CARD10: variants seen among roughly 807,000 people sequenced by gnomAD.
CARD10 encodes caspase recruitment domain-containing protein 10.
CARD10 carries 49 observed loss-of-function variants against 114.6 expected under a neutral mutation model. The observed-to-expected ratio is 0.43, with a 90% confidence interval of 0.34 to 0.54. The LOEUF (loss-of-function observed/expected upper bound fraction) is 0.54. CARD10 is among the 20% of genes least tolerant of loss of function. The probability of loss-of-function intolerance (pLI) is 0.03; values close to 1 mark genes in which losing one functional copy is unlikely to be tolerated. For synonymous variants in CARD10, 602 were observed against 593.2 expected, an observed-to-expected ratio of 1.01 and a Z score of -0.21; for missense variants, 1,206 against 1,397.2, an observed-to-expected ratio of 0.86 and a Z score of 2.18.
rs1424047073 is a variant in CARD10, at chr22:37,504,757, A to T, written c.1396T>A (p.Ser466Thr). 2.6e-6 allele frequency: 4 copies of T among 1,548,686 alleles called. No individual in the cohort carries two copies. Among genetic ancestry groups the T allele is most frequent in the Non-Finnish European group, 3.5e-6 (4 of 1,149,698 alleles). Residue 466 changes from serine (S) to threonine (T), a missense_variant, in exon 8 of 20, where the codon TCC (serine) becomes ACC (threonine). Transcript: ENST00000251973. ...CTGAGGTTGGAGCACAGGGAATGGGAGGAGGCACAGGCCTGGAAGAGGGAG... is the reference window on the plus strand; with the variant it reads ...CTGAGGTTGGAGCACAGGGAATGGGTGGAGGCACAGGCCTGGAAGAGGGAG... Reference protein sequence around the residue: ...GGTCLKACASSHSLCSNLSST... With the variant: ...GGTCLKACASTHSLCSNLSST...
In CARD10 at chr22:37,508,697, G is replaced by T; in HGVS notation, c.910-15C>A. 6.5e-7 allele frequency: 1 copy of T among 1,543,456 alleles called. No homozygotes were observed. Among genetic ancestry groups the T allele is most frequent in the South Asian group, 1.2e-5 (1 of 84,278 alleles). ...CGGCTCGCCTCCTGGGGATCACAGG[G>T]CAGGGCCACCTCAGGGTCTGGCTAG... On this transcript the variant is annotated splice_polypyrimidine_tract_variant and intron_variant, in intron 4 of 19. Transcript: ENST00000251973.
In CARD10 at chr22:37,516,163, C is replaced by T. The variant is rs763739012; in HGVS notation, c.509G>A (p.Gly170Glu). 1.3e-6 allele frequency: 2 copies of T among 1,593,436 alleles called. No homozygotes were observed. Among genetic ancestry groups the T allele is most frequent in the East Asian group, 4.5e-5 (2 of 43,966 alleles). The change falls in exon 3 of 20, where the codon GGG (glycine) becomes GAG (glutamate). Residue 170 changes from glycine (G) to glutamate (E), a missense_variant. Physicochemically the swap from Gly to Glu is moderately conservative, Grantham distance 98. Coordinates refer to ENST00000251973, the MANE Select transcript of CARD10 (RefSeq NM_014550.4). ...RGRVLEEERA[G>E]LEQRLRDQQQ... is the part of the protein sequence containing the mutation. ...CTGGTCCCGCAGCCGCTGCTCCAGC[C>T]CTGCCCGCTCCTCCTCGAGCACCCG...
rs776581731 is a variant in CARD10 at position 37,492,782 on chromosome 22, G to C, written c.2497C>G (p.Pro833Ala). Residue 833 changes from proline (P) to alanine (A), a missense_variant, in exon 17 of 20, where the codon CCC becomes GCC. Transcript: ENST00000251973. This position sits in a 1 kb window ranked among gnomAD's most constrained non-coding sequence, Gnocchi z 5.7. ...AGTAGCGGCCGCACCAAACTGTAGG[G>C]TCTGAGGCTCCGCTCCGGCTCTGTG... ...PCAEPERSLR[P>A]YSLVRPLLVS... is the part of the protein sequence containing the mutation. 6 of 1,612,404 alleles carry C rather than the reference G, an allele frequency of 3.7e-6. No homozygotes were observed. The highest frequency in any genetic ancestry group is 1.7e-5 in the Admixed American group (1 of 59,992).
intron 1 of CARD10, 89 bp from the exon 2 acceptor site, chr22:37,518,197 C>G: frequency 7.5e-7 from 1 of 1,340,328 alleles, no homozygotes. Context: ...GCTCCAGGCC[C>G]ACGTTCCCCA....
At chr22:37,508,726 C>A in intron 4 of CARD10, 44 bp from the exon 5 acceptor site, 1 of 1,511,104 alleles carries the variant, frequency 6.6e-7, no homozygotes, top group Non-Finnish European at 8.8e-7. Flanking sequence ...TGGCTAGGGG[C>A]CCACCCTGGG....
In CARD10 at chr22:37,494,070, G is replaced by GC. The variant is rs750772521; in HGVS notation, c.2476+15dup. ...TGGGAGCAACACGGGATACAGCTTT[G>GC]CCCCCGCGCACTCACCTGCACAGGG... is the stretch of plus-strand genomic sequence containing the variant. On this transcript the variant is annotated intron_variant, in intron 16 of 19. Coordinates refer to ENST00000251973, the MANE Select transcript of CARD10 (RefSeq NM_014550.4). The GC allele has an allele frequency of 1.3e-6, 2 of 1,518,316 alleles. No homozygotes were observed. Among genetic ancestry groups the GC allele is most frequent in the East Asian group, 2.4e-5 (1 of 40,818 alleles). The allele number at this position is 1,518,316 out of a possible 1,614,324, so 94.1% of individuals were successfully genotyped here. A position where few individuals can be genotyped will look rare whatever the true frequency, so the allele number is the denominator to read the frequency against.
intron 11 of CARD10, 150 bp downstream of exon 11, chr22:37,502,452 G>T: frequency 1.2e-6 from 1 of 852,476 alleles, no homozygotes; most frequent in Non-Finnish European, 1.7e-6. Flanking sequence ...GCGGCAGCAG[G>T]ATTGGAATCC....
In CARD10 at chr22:37,504,758, G is replaced by A. The variant is rs758481149; in HGVS notation, c.1395C>T (p.Ser465=). The change falls in exon 8 of 20, where the codon TCC becomes TCT. Residue 465 remains serine (S), a synonymous_variant. Transcript: ENST00000251973. ...QGGTCLKACA[S]SHSLCSNLSS... ...TGAGGTTGGAGCACAGGGAATGGGA[G>A]GAGGCACAGGCCTGGAAGAGGGAGA... The A allele has an allele frequency of 1.9e-6, 3 of 1,547,910 alleles. No homozygotes were observed. Among genetic ancestry groups the A allele is most frequent in the African/African-American group, 2.8e-5 (2 of 72,034 alleles).
At chr22:37,507,766 T>G (rs1923462227) in intron 6 of CARD10, 63 bp downstream of exon 6, 1 of 1,603,134 alleles carries the variant, frequency 6.2e-7, no homozygotes, top group African/African-American at 1.3e-5. Context: ...CATTGCTCCT[T>G]GTCTCCTCCC....
In CARD10 at chr22:37,495,915, A is replaced by G. The variant is rs1922988025; in HGVS notation, c.2148T>C (p.Pro716=). The G allele has an allele frequency of 6.2e-7, 1 of 1,614,140 alleles. No individual in the cohort carries two copies. The highest frequency in any genetic ancestry group is 8.5e-7 in the Non-Finnish European group (1 of 1,180,022). ...AAAGGGCATGGGGATCTGCCCTCTCAGGCAAGGTGAGGTTGGCACGAATGT... is the reference window on the plus strand; with the variant it reads ...AAAGGGCATGGGGATCTGCCCTCTCGGGCAAGGTGAGGTTGGCACGAATGT... The part of the protein sequence containing the change: ...PFYIRANLTL[P]ERADPHALCV... Residue 716 remains proline (P), a synonymous_variant, in exon 14 of 20, where the codon CCT becomes CCC. Coordinates refer to ENST00000251973, the MANE Select transcript of CARD10 (RefSeq NM_014550.4).
At position 37,492,453 on chromosome 22, in the gene CARD10, G is replaced by T; in HGVS notation, c.2733C>A (p.Ile911=). 1 of 1,581,694 alleles carries T rather than the reference G, an allele frequency of 6.3e-7. No homozygotes were observed. Among genetic ancestry groups the T allele is most frequent in the Non-Finnish European group, 8.6e-7 (1 of 1,162,424 alleles). The change falls in exon 18 of 20, where the codon ATC becomes ATA. Residue 911 remains isoleucine (I), a synonymous_variant. Transcript: ENST00000251973. This position sits in a 1 kb window ranked among gnomAD's most constrained non-coding sequence, Gnocchi z 5.7. ...TPGLGSRIRA[I]QESVGKKHCL... is the part of the protein sequence containing the mutation. ...CACCCACCTTCCCAACAGACTCCTGGATGGCCCGGATCCTGCTGCCTAGCC... is the reference window on the plus strand; with the variant it reads ...CACCCACCTTCCCAACAGACTCCTGTATGGCCCGGATCCTGCTGCCTAGCC...
In CARD10 at chr22:37,490,865, G is replaced by A. The variant is rs983532013; in HGVS notation, c.*294C>T. On this transcript the variant is annotated 3_prime_UTR_variant, in exon 20 of 20. Transcript: ENST00000251973. ...CAGGTGTGAGAACAGACTCCAGGGC[G>A]AGTGTTTAAGGAGAAGACACAGACA... 1.1e-5 allele frequency: 5 copies of A among 455,666 alleles called. No homozygotes were observed. Among genetic ancestry groups the A allele is most frequent in the Admixed American group, 4.0e-5 (1 of 25,040 alleles). 28.2% of individuals were successfully genotyped at this position (455,666 alleles called of 1,614,324 possible).
intron 2 of CARD10, 93 bp from the exon 3 acceptor site, chr22:37,516,391 C>G: frequency 1.2e-6 from 1 of 868,530 alleles, no homozygotes; most frequent in Non-Finnish European, 1.7e-6. Flanking sequence ...ACCATAAAAA[C>G]ACTAGAGGGA....
intron 11 of CARD10, among the ~76,000 whole-genome samples, chr22:37,500,841 G>A (rs550489561): frequency 3.9e-5 from 6 of 152,066 alleles, no homozygotes; most frequent in Admixed American, 1.3e-4. Flanking sequence ...ATAACTAACC[G>A]CGAGCATATG....
rs1174037442 is a variant in CARD10, at chr22:37,491,217, C to T, written c.3041G>A (p.Arg1014His). The stretch of plus-strand genomic sequence containing the variant: ...GCTGCCGCACTCCACCCACACGAGG[C>T]GGGCCTGCTCCTGCAGGATGCGGCC... ...VRGRILQEQA[R>H]LVWVECGSSR... Residue 1014 changes from arginine to histidine, a missense_variant, in exon 20 of 20, where the codon CGC becomes CAC. This residue lies in a region of CARD10 where 1,068 missense variants were observed against 1,179.1 expected (regional missense o/e 0.91). Transcript: ENST00000251973. 14 of 1,571,242 alleles carry T rather than the reference C, an allele frequency of 8.9e-6. No homozygotes were observed. The East Asian group carries it at 1.2e-4, about 13-fold the overall frequency.
Position 37,492,560 on chromosome 22 carries a change from G to T in CARD10, c.2636-10C>A, listed in dbSNP as rs371587741. On this transcript the variant is annotated splice_polypyrimidine_tract_variant and intron_variant, in intron 17 of 19. Transcript: ENST00000251973. This position sits in a 1 kb window ranked among gnomAD's most constrained non-coding sequence, Gnocchi z 5.7. The stretch of plus-strand genomic sequence containing the variant: ...TCCCCAGAGAGGCTTTCTGCACAGG[G>T]AGTGGAGAGGGAGAGATGAAGGATC... The T allele has an allele frequency of 6.2e-7, 1 of 1,601,830 alleles. No individual in the cohort carries two copies. Among genetic ancestry groups the T allele is most frequent in the African/African-American group, 1.3e-5 (1 of 74,854 alleles).
chr22:37,512,665 G>A (rs1423939431), intron 3 of CARD10, among the ~76,000 whole-genome samples: 3 of 152,058 alleles, frequency 2.0e-5, no homozygotes, highest in South Asian at 2.1e-4. Context: ...AAGACAGCTC[G>A]TTACAAGGAC....
chr22:37,495,509 G>T lies in CARD10; in HGVS notation c.2373+8C>A, dbSNP rs774233420. The T allele has an allele frequency of 6.2e-7, 1 of 1,607,414 alleles. No individual in the cohort carries two copies. Among genetic ancestry groups the T allele is most frequent in the Non-Finnish European group, 8.5e-7 (1 of 1,177,636 alleles). ...CCCCCCACCCACTACCTGCCCAGCCGTGCTCACATTACTGCGGGGGCCTCG... is the reference window on the plus strand; with the variant it reads ...CCCCCCACCCACTACCTGCCCAGCCTTGCTCACATTACTGCGGGGGCCTCG... On this transcript the variant is annotated splice_region_variant and intron_variant, in intron 15 of 19. Transcript: ENST00000251973.
intron 4 of CARD10, among the ~76,000 whole-genome samples, chr22:37,509,764 A>AC (rs1601816707): frequency 1.9e-5 from 1 of 52,050 alleles, no homozygotes; most frequent in Non-Finnish European, 3.9e-5. Flanking sequence ...ACCTCCCCCG[A>AC]CCCCCATGCC....
Sources: allele counts gnomAD v4.1 joint callset (sites outside exome capture counted in the v4.1 genomes callset), GRCh38; gene constraint gnomAD v4.1.1; regional missense constraint gnomAD v4.1.1; non-coding constraint Gnocchi (gnomAD v3.1); transcripts MANE v1.5; gene names NCBI Gene and HGNC (gene_info 2026-07-23, HGNC 2026-07-21).